The following FSTL4 variants were observed in gnomAD, a reference collection of about 807,000 sequenced individuals.
The protein encoded by FSTL4 is follistatin like 4.
In FSTL4, 28 loss-of-function variants were observed where a neutral mutation model predicts 78.2. The ratio of observed to expected loss-of-function variants is 0.36; its 90% CI spans 0.27 to 0.49. The LOEUF is 0.49. FSTL4 is among the 20% of genes least tolerant of loss of function. The pLI, the probability that FSTL4 is intolerant of heterozygous loss-of-function variation, is 0.98. For synonymous variants in FSTL4, 422 were observed against 440.5 expected (o/e 0.96, Z 0.53); for missense variants, 922 against 1,084.9 (o/e 0.85, Z 2.11).
intron 4 of FSTL4, among the ~76,000 whole-genome samples, chr5:133,344,156 C>G (rs2126920761): frequency 6.6e-6 from 1 of 152,248 alleles, no homozygotes; most frequent in Middle Eastern, 3.4e-3. Context: ...AATATGGCAC[C>G]ACTTTCTTGA....
chr5:133,629,949 C>T, the FSTL4 span, among the ~76,000 whole-genome samples: 2 of 152,262 alleles, frequency 1.3e-5, no homozygotes, highest in African/African-American at 4.8e-5. Flanking sequence ...TTCAACACCT[C>T]TTTATGCTAA....
At chr5:133,768,596 A>T in the FSTL4 span, among the ~76,000 whole-genome samples, 1 of 152,208 alleles carries the variant, frequency 6.6e-6, no homozygotes. Flanking sequence ...ACCAAAAAAC[A>T]TCACCTGCCA....
intron 3 of FSTL4, among the ~76,000 whole-genome samples, chr5:133,552,573 G>A (rs1186761613): frequency 2.0e-5 from 3 of 152,146 alleles, no homozygotes; most frequent in African/African-American, 4.8e-5. Context: ...CATTCATATT[G>A]AAATATTTTT....
the FSTL4 span, among the ~76,000 whole-genome samples, chr5:133,822,116 T>G: frequency 6.6e-6 from 1 of 152,206 alleles, no homozygotes; most frequent in Non-Finnish European, 1.5e-5. Flanking sequence ...AATTATGTCT[T>G]TGATGTATGA....
intron 3 of FSTL4, among the ~76,000 whole-genome samples, chr5:133,461,576 G>A (rs1328292830): frequency 7.2e-6 from 1 of 139,250 alleles, no homozygotes; most frequent in African/African-American, 2.6e-5. Flanking sequence ...CAAACCCTCC[G>A]AATTAGCAAA....
At chr5:133,776,161 C>G in the FSTL4 span, among the ~76,000 whole-genome samples, 1 of 152,158 alleles carries the variant, frequency 6.6e-6, no homozygotes, top group Admixed American at 6.5e-5. Context: ...GCTCTGTGCT[C>G]TGGGTGGCAG....
intron 6 of FSTL4, among the ~76,000 whole-genome samples, chr5:133,297,684 C>G (rs1273488503): frequency 6.6e-6 from 1 of 152,352 alleles, no homozygotes; most frequent in South Asian, 2.1e-4. Flanking sequence ...ATCCTGTGCA[C>G]CTGACTGGCC....
intron 3 of FSTL4, among the ~76,000 whole-genome samples, chr5:133,552,972 C>A (rs1303852267): frequency 1.3e-5 from 2 of 152,328 alleles, no homozygotes; most frequent in East Asian, 3.9e-4. Context: ...ACAGAATTCT[C>A]AACTGTAGGG....
intron 3 of FSTL4, among the ~76,000 whole-genome samples, chr5:133,405,621 C>T (rs575377111): frequency 8.5e-5 from 13 of 152,320 alleles, no homozygotes; most frequent in Admixed American, 7.8e-4. Context: ...ATGTGGGGTG[C>T]GCATCCAGGG....
At chr5:133,634,492 T>C in the FSTL4 span, among the ~76,000 whole-genome samples, 1 of 151,970 alleles carries the variant, frequency 6.6e-6, no homozygotes, top group African/African-American at 2.4e-5. Flanking sequence ...AGAGAACTCA[T>C]CTCTGTGACA....
At chr5:133,342,615 G>A (rs1427035376) in intron 4 of FSTL4, among the ~76,000 whole-genome samples, 1 of 152,154 alleles carries the variant, frequency 6.6e-6, no homozygotes, top group Non-Finnish European at 1.5e-5. Context: ...TACTATGGAC[G>A]TCCAGCCTGA....
At chr5:133,826,530 T>C in the FSTL4 span, among the ~76,000 whole-genome samples, 1 of 152,182 alleles carries the variant, frequency 6.6e-6, no homozygotes, top group Non-Finnish European at 1.5e-5. Context: ...TGTGGCCGCA[T>C]CACTCCAACC....
At chr5:133,220,073 A>T (rs550600505) in intron 12 of FSTL4, among the ~76,000 whole-genome samples, 80 of 152,378 alleles carry the variant, frequency 5.3e-4, no homozygotes, top group African/African-American at 1.8e-3. Context: ...CACTTCCTCC[A>T]TGGGCTCCAA....
At chr5:133,740,513 C>A in the FSTL4 span, among the ~76,000 whole-genome samples, 2 of 152,156 alleles carry the variant, frequency 1.3e-5, no homozygotes. Context: ...TGAAATAATG[C>A]AGTTAGGGGA....
upstream of FSTL4, among the ~76,000 whole-genome samples, chr5:133,614,843 A>C (rs920687936): frequency 3.9e-5 from 6 of 152,092 alleles, no homozygotes; most frequent in African/African-American, 1.4e-4. Flanking sequence ...CCCCAGCCCC[A>C]CTCTGTTTTT....
chr5:133,618,390 G>A, the FSTL4 span, among the ~76,000 whole-genome samples: 25 of 152,286 alleles, frequency 1.6e-4, no homozygotes, highest in African/African-American at 6.0e-4. Context: ...GAGGGGAGGA[G>A]GGTGAGCAAG....
At chr5:133,735,222 T>C in the FSTL4 span, among the ~76,000 whole-genome samples, 2 of 152,116 alleles carry the variant, frequency 1.3e-5, no homozygotes, top group Admixed American at 1.3e-4. Flanking sequence ...CCCAACACTT[T>C]GGGAGGCTGA....
chr5:133,769,142 A>C, the FSTL4 span, among the ~76,000 whole-genome samples: 2 of 152,272 alleles, frequency 1.3e-5, no homozygotes, highest in African/African-American at 2.4e-5. Flanking sequence ...TGATTCGCCC[A>C]GGTACACATC....
At chr5:133,201,846 G>GC in intron 15 of FSTL4, 87 bp downstream of exon 15, 1 of 716,418 alleles carries the variant, frequency 1.4e-6, no homozygotes, top group Non-Finnish European at 2.4e-6. Context: ...ACAGAGAAAT[G>GC]AGCAGGTCCC....
Sources: gnomAD v4.1 joint callset for allele counts (sites outside exome capture counted in the v4.1 genomes callset) on GRCh38, gnomAD v4.1.1 for gene constraint, MANE v1.5 for transcripts, NCBI Gene and HGNC (gene_info 2026-07-23, HGNC 2026-07-21) for gene names.